Variants in BAIAP2 observed in about 807,000 individuals in gnomAD.
BAIAP2 encodes the protein BAR/IMD domain-containing adapter protein 2.
In BAIAP2, 18 loss-of-function variants were observed where a neutral mutation model predicts 63.0. The ratio of observed to expected loss-of-function variants is 0.29; its 90% CI spans 0.20 to 0.42. The LOEUF (loss-of-function observed/expected upper bound fraction) is 0.42, where lower values mean the gene tolerates loss of function less well. Ranked by LOEUF, BAIAP2 falls within the 10% of genes least tolerant of loss-of-function variation. The pLI is 1.00. For synonymous variants in BAIAP2, 386 were observed against 307.6 expected (o/e 1.25, Z -2.67); for missense variants, 610 against 734.3 (o/e 0.83, Z 1.96).
chr17:81,104,143 C>A (rs1275742934), intron 9 of BAIAP2, 35 bp downstream of exon 9: 1 of 1,606,600 alleles, frequency 6.2e-7, no homozygotes, highest in Non-Finnish European at 8.5e-7. Context: ...GCTGGGGTCC[C>A]TGGACGTGCC....
chr17:81,106,019 G>A (rs1244107024), intron 10 of BAIAP2, 59 bp from the exon 11 acceptor site: 14 of 1,460,020 alleles, frequency 9.6e-6, no homozygotes, highest in African/African-American at 8.4e-5. Context: ...GATGGTGGTC[G>A]GTGGGGGATG....
At chr17:81,054,979 C>G (rs1328055183) in intron 2 of BAIAP2, among the ~76,000 whole-genome samples, 1 of 152,128 alleles carries the variant, frequency 6.6e-6, no homozygotes, top group Non-Finnish European at 1.5e-5. Flanking sequence ...CGTGTCTGTC[C>G]CTGTAACTGC....
intron 6 of BAIAP2, chr17:81,098,298 C>A: frequency 2.3e-6 from 2 of 855,344 alleles, no homozygotes; most frequent in Non-Finnish European, 3.1e-6. Context: ...CCGCCCTCAG[C>A]TTCTTCGCCA....
chr17:81,102,676 C>T (rs780340775), intron 7 of BAIAP2, among the ~76,000 whole-genome samples: 1 of 152,186 alleles, frequency 6.6e-6, no homozygotes, highest in Non-Finnish European at 1.5e-5. Flanking sequence ...GTCCAACATC[C>T]TCCGTGGGTC....
At chr17:81,049,440 T>G (rs1431576382) in intron 1 of BAIAP2, among the ~76,000 whole-genome samples, 2 of 152,176 alleles carry the variant, frequency 1.3e-5, no homozygotes. Flanking sequence ...GTGCGGTTTC[T>G]CTCTCCTGGC....
intron 7 of BAIAP2, among the ~76,000 whole-genome samples, chr17:81,100,419 A>C (rs1052661386): frequency 6.6e-6 from 1 of 152,134 alleles, no homozygotes; most frequent in Non-Finnish European, 1.5e-5. Flanking sequence ...GGGGACGGTC[A>C]TGCTCCGTGC....
intron 3 of BAIAP2, among the ~76,000 whole-genome samples, chr17:81,077,145 C>A (rs2053793314): frequency 2.0e-5 from 3 of 152,296 alleles, no homozygotes; most frequent in South Asian, 4.2e-4. Flanking sequence ...AGCTAGGGGG[C>A]AACTCCTGGT....
At chr17:81,109,081 G>A (rs1390625778) in intron 13 of BAIAP2, 23 of 1,500,434 alleles carry the variant, frequency 1.5e-5, no homozygotes, top group East Asian at 7.5e-5. Flanking sequence ...CTCAGCTCTC[G>A]CTGGTTTGTT....
At chr17:81,099,382 G>C (rs7502214) in intron 6 of BAIAP2, among the ~76,000 whole-genome samples, 34,353 of 152,088 alleles carry the variant, frequency 0.23, 4,618 homozygotes, top group Admixed American at 0.36. Flanking sequence ...CTTCCCTGGG[G>C]TCCTTGGCCA....
chr17:81,107,050 A>G, intron 12 of BAIAP2, 143 bp downstream of exon 12: 1 of 1,043,658 alleles, frequency 9.6e-7, no homozygotes, highest in Non-Finnish European at 1.3e-6. Flanking sequence ...AGGCTGCATG[A>G]TTTGGGAATG....
chr17:81,080,990 C>T (rs1395056612), intron 3 of BAIAP2, among the ~76,000 whole-genome samples: 2 of 152,214 alleles, frequency 1.3e-5, no homozygotes, highest in East Asian at 1.9e-4. Context: ...AGGCTGGGTG[C>T]GTGTGGACAC....
At chr17:81,106,411 G>T (rs1255743025) in intron 11 of BAIAP2, among the ~76,000 whole-genome samples, 3 of 152,180 alleles carry the variant, frequency 2.0e-5, no homozygotes, top group African/African-American at 7.2e-5. Flanking sequence ...GGGGCCAGGT[G>T]TGCAAGGACC....
chr17:81,057,065 C>T (rs1370905775), intron 2 of BAIAP2, among the ~76,000 whole-genome samples: 1 of 152,244 alleles, frequency 6.6e-6, no homozygotes, highest in East Asian at 1.9e-4. Flanking sequence ...TGATAAAGTG[C>T]CCAGTTATAG....
rs56122709 is a variant in BAIAP2 at position 81,071,099 on chromosome 17, AT to A, written c.217+13144del. Among the ~76,000 whole-genome samples the A allele has an allele frequency of 6.8e-3, 1,016 of 149,230 alleles. 5 individuals carry two copies. The highest frequency in any genetic ancestry group is 9.9e-3 in the Non-Finnish European group (668 of 67,434). Reference sequence around the variant, plus strand: ...CATCACCATGGCAACACAGACATTGATTTTTTTTTTTTCCCCCATTGGTTAC... The same window carrying A: ...CATCACCATGGCAACACAGACATTGATTTTTTTTTTTCCCCCATTGGTTAC... On this transcript the variant is annotated intron_variant, in intron 3 of 13. Coordinates refer to ENST00000428708, the MANE Select transcript of BAIAP2 (RefSeq NM_001144888.2).
intron 3 of BAIAP2, among the ~76,000 whole-genome samples, chr17:81,058,812 G>A (rs1241403330): frequency 6.6e-6 from 1 of 152,146 alleles, no homozygotes; most frequent in African/African-American, 2.4e-5. Flanking sequence ...CCCTCGGATG[G>A]GGAAGAGTCA....
chr17:81,068,798 G>A (rs1014883473), intron 3 of BAIAP2, among the ~76,000 whole-genome samples: 4 of 152,212 alleles, frequency 2.6e-5, no homozygotes, highest in African/African-American at 7.2e-5. Flanking sequence ...AGGATGGGGG[G>A]CCATATCTGG....
chr17:81,057,973 A>AGGC lies in BAIAP2; in HGVS notation c.217+6_217+7insGGC. 1 of 700,492 alleles carries AGGC rather than the reference A, an allele frequency of 1.4e-6. No individual in the cohort carries two copies. The highest frequency in any genetic ancestry group is 5.3e-5 in the Admixed American group (1 of 18,704). 43.4% of individuals were successfully genotyped at this position (700,492 alleles called of 1,614,324 possible). On this transcript the variant is annotated splice_region_variant and intron_variant, in intron 3 of 13. Transcript: ENST00000428708. Reference sequence around the variant, plus strand: ...CCAGGGCTCCAAAGAACTCGGTGAGACCCCCCCCCCCCCCCCGCCTGGTAG... The same window carrying AGGC: ...CCAGGGCTCCAAAGAACTCGGTGAGAGGCCCCCCCCCCCCCCCCCGCCTGGTAG...
chr17:81,039,004 G>A (rs1324040943), intron 1 of BAIAP2, among the ~76,000 whole-genome samples: 1 of 152,074 alleles, frequency 6.6e-6, no homozygotes, highest in Non-Finnish European at 1.5e-5. Flanking sequence ...GTGCACACGT[G>A]CATGCAGTGC....
intron 1 of BAIAP2, among the ~76,000 whole-genome samples, chr17:81,052,573 C>A (rs1598535531): frequency 1.3e-5 from 2 of 152,104 alleles, no homozygotes; most frequent in Non-Finnish European, 2.9e-5. Flanking sequence ...AGAACACACA[C>A]CCTGGCCATA....
Sources: allele counts gnomAD v4.1 joint callset (sites outside exome capture counted in the v4.1 genomes callset), GRCh38; gene constraint gnomAD v4.1.1; transcripts MANE v1.5; gene names NCBI Gene and HGNC (gene_info 2026-07-23, HGNC 2026-07-21).